COL23A1: variants seen among roughly 807,000 people sequenced by gnomAD.
COL23A1 encodes the protein collagen type XXIII alpha 1 chain.
In COL23A1, 97 loss-of-function variants were observed where a neutral mutation model predicts 99.3. The observed-to-expected ratio is 0.98, with a 90% CI of 0.83 to 1.16. COL23A1 has a LOEUF of 1.16. COL23A1 is among the 50% of genes most tolerant of loss of function. The pLI, the probability that COL23A1 is intolerant of heterozygous loss-of-function variation, is 0.00. For synonymous variants in COL23A1, 320 were observed against 308.2 expected (o/e 1.04, Z -0.40); for missense variants, 762 against 757.4 (o/e 1.01, Z -0.07).
At chr5:178,256,313 A>T (rs1308336947) in intron 15 of COL23A1, 40 bp downstream of exon 15, 2 of 1,534,548 alleles carry the variant, frequency 1.3e-6, no homozygotes, top group Non-Finnish European at 1.8e-6. Flanking sequence ...GGGCCCCTAG[A>T]TCTCATCCCT....
At chr5:178,256,570 G>A (rs549825335) in intron 14 of COL23A1, among the ~76,000 whole-genome samples, 173 bp from the exon 15 acceptor site, 4 of 152,372 alleles carry the variant, frequency 2.6e-5, no homozygotes, top group African/African-American at 9.6e-5. Flanking sequence ...CCAGGGGCCT[G>A]CGAGACCCTC....
chr5:178,330,091 G>A (rs892239781), intron 2 of COL23A1, among the ~76,000 whole-genome samples: 2 of 152,196 alleles, frequency 1.3e-5, no homozygotes, highest in Non-Finnish European at 2.9e-5. Flanking sequence ...GGTCCCAGGA[G>A]GGAGAGTATT....
intron 2 of COL23A1, among the ~76,000 whole-genome samples, chr5:178,547,863 A>C (rs1373322280): frequency 5.1e-5 from 1 of 19,584 alleles, no homozygotes; most frequent in Non-Finnish European, 9.2e-5. Flanking sequence ...ACACACCCAC[A>C]CCCACACCCC....
At chr5:178,378,712 T>G (rs546895353) in intron 2 of COL23A1, among the ~76,000 whole-genome samples, 6 of 152,238 alleles carry the variant, frequency 3.9e-5, no homozygotes, top group Admixed American at 1.3e-4. Flanking sequence ...GGAGGTTTGG[T>G]GCCTCCTGGG....
chr5:178,520,171 G>A (rs897860074), intron 2 of COL23A1, among the ~76,000 whole-genome samples: 3 of 152,272 alleles, frequency 2.0e-5, no homozygotes, highest in Non-Finnish European at 2.9e-5. Context: ...ATGGTCAGAC[G>A]GGTGAATGCA....
intron 2 of COL23A1, among the ~76,000 whole-genome samples, chr5:178,498,251 T>TAGATATAG (rs1758329258): frequency 1.7e-5 from 1 of 58,450 alleles, no homozygotes; most frequent in African/African-American, 1.1e-4. Context: ...TATATATATA[T>TAGATATAG]ATATATAAAA....
chr5:178,479,368 G>C (rs927315663), intron 2 of COL23A1, among the ~76,000 whole-genome samples: 1 of 152,142 alleles, frequency 6.6e-6, no homozygotes, highest in African/African-American at 2.4e-5. Flanking sequence ...AAAAAACCCC[G>C]AGCTGCTGCC....
At chr5:178,462,787 C>T (rs765400220) in intron 2 of COL23A1, among the ~76,000 whole-genome samples, 2 of 152,198 alleles carry the variant, frequency 1.3e-5, no homozygotes, top group Non-Finnish European at 2.9e-5. Flanking sequence ...AGCAAAAGAA[C>T]GTTTCCCACA....
At chr5:178,580,345 A>G (rs1054718167) in intron 1 of COL23A1, among the ~76,000 whole-genome samples, 1 of 151,840 alleles carries the variant, frequency 6.6e-6, no homozygotes, top group Non-Finnish European at 1.5e-5. Context: ...AAAAAAAGAA[A>G]GAAAGAAACT....
intron 2 of COL23A1, among the ~76,000 whole-genome samples, chr5:178,318,497 G>A (rs530389614): frequency 1.3e-5 from 2 of 152,336 alleles, no homozygotes; most frequent in South Asian, 2.1e-4. Flanking sequence ...CTGAGACTAC[G>A]ACCCTTCCTG....
At position 178,421,349 on chromosome 5, in the gene COL23A1, G is replaced by A. The variant is rs1765624606; in HGVS notation, c.362-114430C>T. 2.0e-5 allele frequency among the ~76,000 whole-genome samples: 3 copies of A among 152,130 alleles called. No homozygotes were observed. The South Asian group carries it at 6.2e-4, about 32-fold the overall frequency. On this transcript the variant is annotated intron_variant, in intron 2 of 28. Transcript: ENST00000390654. Reference sequence around the variant, plus strand: ...AACCCGCCCTTACTAGCTGTGTGATGTTTCTCAAATCACTCAGCCTCTCTG... The same window carrying A: ...AACCCGCCCTTACTAGCTGTGTGATATTTCTCAAATCACTCAGCCTCTCTG...
intron 16 of COL23A1, among the ~76,000 whole-genome samples, chr5:178,253,016 T>A (rs1765116068): frequency 1.3e-5 from 2 of 152,352 alleles, no homozygotes; most frequent in Admixed American, 1.3e-4. Flanking sequence ...GACTGTCCTG[T>A]GAGCTCTCTG....
chr5:178,245,960 G>C lies in COL23A1; in HGVS notation c.1422C>G (p.Pro474=), dbSNP rs371729880. Reference sequence around the variant, plus strand: ...CACTTACATCTAGTCCTGGCTCCCCGGGTCTGCCCTGAGGAGAGACACAGA... The same window carrying C: ...CACTTACATCTAGTCCTGGCTCCCCCGGTCTGCCCTGAGGAGAGACACAGA... ...LPGTKGEKGR[P]GEPGLDGFPG... is the part of the protein sequence containing the mutation. Residue 474 remains proline (P), a synonymous_variant, in exon 25 of 29, where the codon CCC becomes CCG. Coordinates refer to ENST00000390654, the MANE Select transcript of COL23A1 (RefSeq NM_173465.4). 23 of 1,614,112 alleles carry C rather than the reference G, an allele frequency of 1.4e-5. No homozygotes were observed. The highest frequency in any genetic ancestry group is 1.9e-5 in the Non-Finnish European group (22 of 1,180,014).
chr5:178,267,486 C>G (rs1226933515), intron 7 of COL23A1, among the ~76,000 whole-genome samples, 153 bp from the exon 8 acceptor site: 2 of 152,154 alleles, frequency 1.3e-5, no homozygotes, highest in Non-Finnish European at 2.9e-5. Context: ...CCATTTCCAA[C>G]GAGGAAGCAG....
intron 2 of COL23A1, among the ~76,000 whole-genome samples, chr5:178,426,695 G>A (rs531805017): frequency 6.6e-6 from 1 of 152,338 alleles, no homozygotes; most frequent in African/African-American, 2.4e-5. Context: ...CGCAGAGAGA[G>A]AGAAAATATT....
At chr5:178,472,893 G>C (rs1184594355) in intron 2 of COL23A1, among the ~76,000 whole-genome samples, 2 of 152,178 alleles carry the variant, frequency 1.3e-5, no homozygotes, top group Admixed American at 6.5e-5. Context: ...GGGAGGCTGA[G>C]GCAGAAGGGT....
chr5:178,358,206 CGTGTGTAT>C (rs1373385487), intron 2 of COL23A1, among the ~76,000 whole-genome samples: 9 of 104,762 alleles, frequency 8.6e-5, no homozygotes, highest in Non-Finnish European at 1.5e-4. Context: ...TGCATGTGTA[CGTGTGTAT>C]GTGTGTCTAA....
intron 2 of COL23A1, among the ~76,000 whole-genome samples, chr5:178,381,362 G>T (rs560483666): frequency 6.6e-6 from 1 of 152,192 alleles, no homozygotes; most frequent in East Asian, 1.9e-4. Flanking sequence ...AAGTACGATG[G>T]CCATGGGGAT....
chr5:178,257,682 G>A (rs533453681), intron 12 of COL23A1, 115 bp from the exon 13 acceptor site: 134 of 1,037,726 alleles, frequency 1.3e-4, no homozygotes, highest in African/African-American at 1.2e-3. Context: ...ACTGGCACAT[G>A]GTACCAGGCA....
Sources: gnomAD v4.1 joint callset for allele counts (sites outside exome capture counted in the v4.1 genomes callset) on GRCh38, gnomAD v4.1.1 for gene constraint, MANE v1.5 for transcripts, NCBI Gene and HGNC (gene_info 2026-07-23, HGNC 2026-07-21) for gene names.